Variants in CDH19 observed in about 807,000 individuals in gnomAD.
The protein encoded by CDH19 is cadherin-19.
Under a neutral mutation model 64.2 loss-of-function variants are expected in CDH19, and 67 were observed. The observed-to-expected ratio is 1.04, with a 90% CI of 0.86 to 1.28. The LOEUF (loss-of-function observed/expected upper bound fraction) is 1.28. CDH19 is among the 50% of genes most tolerant of loss of function. The pLI, the probability that CDH19 is intolerant of heterozygous loss-of-function variation, is 0.00. For synonymous variants in CDH19, 346 were observed against 319.3 expected, an observed-to-expected ratio of 1.08 and a Z score of -0.89; for missense variants, 1,030 against 929.0, an observed-to-expected ratio of 1.11 and a Z score of -1.41.
intron 3 of CDH19, among the ~76,000 whole-genome samples, chr18:66,568,038 A>G (rs1018496188): frequency 6.6e-6 from 1 of 151,758 alleles, no homozygotes; most frequent in African/African-American, 2.4e-5. Flanking sequence ...CACTTTTCCT[A>G]TTTTTATGCA....
At chr18:66,518,377 G>A (rs796711606) in intron 9 of CDH19, among the ~76,000 whole-genome samples, 26 of 152,048 alleles carry the variant, frequency 1.7e-4, no homozygotes, top group African/African-American at 5.8e-4. Flanking sequence ...GGGATTACAG[G>A]TGCCCACCAC....
intron 9 of CDH19, among the ~76,000 whole-genome samples, chr18:66,526,987 T>C (rs1004131534): frequency 8.6e-5 from 13 of 151,778 alleles, no homozygotes; most frequent in African/African-American, 2.7e-4. Context: ...AATTTCAAAA[T>C]CAGGGATAGT....
At chr18:66,521,176 T>A (rs1039689927) in intron 9 of CDH19, among the ~76,000 whole-genome samples, 16 of 152,078 alleles carry the variant, frequency 1.1e-4, no homozygotes, top group Non-Finnish European at 2.2e-4. Context: ...TAGAATGTGG[T>A]TTCTGGATCT....
chr18:66,582,532 C>T (rs749292589), intron 1 of CDH19, among the ~76,000 whole-genome samples: 1 of 148,668 alleles, frequency 6.7e-6, no homozygotes, highest in Non-Finnish European at 1.5e-5. Context: ...ACCCATGTGT[C>T]AACTCTTTCT....
At chr18:66,519,152 C>A (rs998099820) in intron 9 of CDH19, among the ~76,000 whole-genome samples, 5 of 152,186 alleles carry the variant, frequency 3.3e-5, no homozygotes, top group African/African-American at 1.2e-4. Context: ...TCATCTCCAA[C>A]AGACATTGAC....
intron 5 of CDH19, among the ~76,000 whole-genome samples, chr18:66,549,959 A>T (rs1365540636): frequency 6.6e-6 from 1 of 152,104 alleles, no homozygotes; most frequent in Non-Finnish European, 1.5e-5. Flanking sequence ...AAATGACATG[A>T]TTTCACTTGA....
chr18:66,556,443 C>T (rs919390914), intron 3 of CDH19, among the ~76,000 whole-genome samples: 1 of 151,726 alleles, frequency 6.6e-6, no homozygotes, highest in East Asian at 1.9e-4. Flanking sequence ...TCTTCATATC[C>T]CCGACACATT....
intron 6 of CDH19, 131 bp from the exon 7 acceptor site, chr18:66,544,355 A>T: frequency 1.4e-6 from 1 of 733,812 alleles, no homozygotes; most frequent in South Asian, 2.0e-5. Flanking sequence ...ATGTACATGG[A>T]TCTCTCTGAT....
Position 66,528,152 on chromosome 18 carries a change from T to C in CDH19, c.1458+1693A>G, listed in dbSNP as rs117909887. ...TAAAGTATCATTTATTAGATTTACA[T>C]GTTATTATTTAAAAGTTGCTTGTTA... is the stretch of plus-strand genomic sequence containing the variant. On this transcript the variant is annotated intron_variant, in intron 9 of 11. Coordinates refer to ENST00000262150, the MANE Select transcript of CDH19 (RefSeq NM_021153.4). Among the ~76,000 whole-genome samples the C allele has an allele frequency of 3.5e-4, 54 of 152,200 alleles. 1 individual carries two copies. In the East Asian group the frequency reaches 3.7e-3, roughly 10 times the overall value.
At chr18:66,578,960 A>C (rs1988344970) in intron 1 of CDH19, among the ~76,000 whole-genome samples, 1 of 151,932 alleles carries the variant, frequency 6.6e-6, no homozygotes, top group African/African-American at 2.4e-5. Flanking sequence ...AAATCAGACT[A>C]AGAACTGTGG....
chr18:66,597,973 A>G (rs1339063421), intron 1 of CDH19, among the ~76,000 whole-genome samples: 1 of 152,098 alleles, frequency 6.6e-6, no homozygotes, highest in Non-Finnish European at 1.5e-5. Flanking sequence ...GCACACCAAC[A>G]TGGCACATGT....
chr18:66,544,572 C>T (rs1987028141), intron 6 of CDH19, 147 bp downstream of exon 6: 3 of 570,504 alleles, frequency 5.3e-6, no homozygotes, highest in Non-Finnish European at 5.9e-6. Flanking sequence ...ATAACTCTCT[C>T]ATCTCTAAAA....
At chr18:66,538,478 T>C (rs564529791) in intron 7 of CDH19, among the ~76,000 whole-genome samples, 1 of 152,226 alleles carries the variant, frequency 6.6e-6, no homozygotes, top group Non-Finnish European at 1.5e-5. Flanking sequence ...CTTTTTAGTT[T>C]AGGTACCACA....
At chr18:66,508,380 G>C (rs1020978477) in intron 11 of CDH19, among the ~76,000 whole-genome samples, 4 of 149,940 alleles carry the variant, frequency 2.7e-5, no homozygotes, top group Admixed American at 1.3e-4. Context: ...ATTGCTAAGA[G>C]AGTAGATTTT....
chr18:66,596,293 C>G (rs1488742799), intron 1 of CDH19: 2 of 152,110 alleles, frequency 1.3e-5, no homozygotes, highest in Non-Finnish European at 2.9e-5. Context: ...TTTAATATAG[C>G]TGTGGAAGTC....
At chr18:66,521,239 T>A (rs2144382444) in intron 9 of CDH19, among the ~76,000 whole-genome samples, 1 of 152,206 alleles carries the variant, frequency 6.6e-6, no homozygotes, top group Admixed American at 6.5e-5. Context: ...GAAAATAATT[T>A]GGGAAAGCTT....
chr18:66,535,404 G>C (rs1321978103), intron 7 of CDH19, among the ~76,000 whole-genome samples: 1 of 151,202 alleles, frequency 6.6e-6, no homozygotes, highest in Non-Finnish European at 1.5e-5. Context: ...GCCTAGACGA[G>C]TATTGATCTC....
intron 1 of CDH19, among the ~76,000 whole-genome samples, chr18:66,598,348 T>C (rs766487377): frequency 6.6e-6 from 1 of 152,074 alleles, no homozygotes; most frequent in Non-Finnish European, 1.5e-5. Flanking sequence ...AACTATATAT[T>C]TGAAGGAATA....
intron 5 of CDH19, among the ~76,000 whole-genome samples, chr18:66,547,865 C>T (rs1382999597): frequency 1.4e-5 from 2 of 142,946 alleles, no homozygotes; most frequent in East Asian, 3.9e-4. Flanking sequence ...GACGGGGTTT[C>T]ACCGTTTTAG....
Sources: allele counts gnomAD v4.1 joint callset (sites outside exome capture counted in the v4.1 genomes callset), GRCh38; gene constraint gnomAD v4.1.1; transcripts MANE v1.5; gene names NCBI Gene and HGNC (gene_info 2026-07-23, HGNC 2026-07-21).